The following BDP1 variants were observed in gnomAD, a reference collection of about 807,000 sequenced individuals.
The protein encoded by BDP1 is BDP1 general transcription factor IIIB subunit.
Under a neutral mutation model 266.6 loss-of-function variants are expected in BDP1, and 169 were observed. The observed-to-expected ratio is 0.63, with a 90% CI of 0.56 to 0.72. The LOEUF is 0.72. BDP1 is among the 30% of genes least tolerant of loss of function. The pLI is 0.00. For synonymous variants in BDP1, 1,090 were observed against 1,022.4 expected (o/e 1.07, Z -1.26); for missense variants, 3,015 against 3,053.8 (o/e 0.99, Z 0.30).
downstream of BDP1, among the ~76,000 whole-genome samples, chr5:71,570,919 T>G (rs1744243982): frequency 6.6e-6 from 1 of 152,174 alleles, no homozygotes; most frequent in Admixed American, 6.5e-5. Flanking sequence ...CAGTCCCCCT[T>G]TATCAGCAGG....
intron 1 of BDP1, among the ~76,000 whole-genome samples, chr5:71,457,565 CT>C (rs1030084210): frequency 4.6e-5 from 7 of 152,232 alleles, no homozygotes; most frequent in African/African-American, 1.7e-4. Context: ...ATCCACCTGC[CT>C]CAGCCCAAAG....
chr5:71,555,862 T>C (rs1743183244), intron 35 of BDP1, among the ~76,000 whole-genome samples: 1 of 152,236 alleles, frequency 6.6e-6, no homozygotes, highest in African/African-American at 2.4e-5. Flanking sequence ...CAAATTAATA[T>C]GAATTTTAGA....
intron 15 of BDP1, among the ~76,000 whole-genome samples, chr5:71,503,574 A>G (rs1178973969): frequency 6.6e-6 from 1 of 152,214 alleles, no homozygotes; most frequent in Non-Finnish European, 1.5e-5. Context: ...AGTAAGATAC[A>G]ATTCCAAGAA....
At chr5:71,502,006 G>A (rs1764269513) in intron 14 of BDP1, among the ~76,000 whole-genome samples, 1 of 152,084 alleles carries the variant, frequency 6.6e-6, no homozygotes, top group South Asian at 2.1e-4. Flanking sequence ...TCTTCCAGGG[G>A]TTACCATTTA....
intron 36 of BDP1, 64 bp downstream of exon 36, chr5:71,556,989 C>T: frequency 3.5e-6 from 3 of 847,346 alleles, no homozygotes; most frequent in South Asian, 2.4e-5. Flanking sequence ...TTGGGATATA[C>T]CTTGTTCAAA....
rs763417223 is a variant in BDP1 at position 71,489,561 on chromosome 5, A to G, written c.1371A>G (p.Val457=). 1 of 1,614,156 alleles carries G rather than the reference A, an allele frequency of 6.2e-7. No homozygotes were observed. The highest frequency in any genetic ancestry group is 2.2e-5 in the East Asian group (1 of 44,860). The change falls in exon 10 of 39, where the codon GTA becomes GTG. Residue 457 remains valine (V), a synonymous_variant. Transcript: ENST00000358731. ...REDAEQVALE[V]DLNQKKRRRK... ...ATGCAGAGCAGGTTGCATTAGAAGT[A>G]GACCTAAATCAAAAGAAAAGAAGGA...
chr5:71,489,536 A>T lies in BDP1; in HGVS notation c.1346A>T (p.Asp449Val), dbSNP rs1763460056. ...EEESLTLSRE[D>V]AEQVALEVDL... ...GAGTCTCTGACCTTATCAAGGGAGGATGCAGAGCAGGTTGCATTAGAAGTA... is the reference window on the plus strand; with the variant it reads ...GAGTCTCTGACCTTATCAAGGGAGGTTGCAGAGCAGGTTGCATTAGAAGTA... The change falls in exon 10 of 39, where the codon GAT (aspartate) becomes GTT (valine). Residue 449 changes from aspartate to valine, a missense_variant. Asp to Val is a radical substitution (Grantham distance 152, BLOSUM62 -3). Transcript: ENST00000358731. 1.2e-6 allele frequency: 2 copies of T among 1,614,002 alleles called. No homozygotes were observed. Among genetic ancestry groups the T allele is most frequent in the Non-Finnish European group, 8.5e-7 (1 of 1,180,010 alleles).
At chr5:71,552,615 G>A (rs1002589076) in intron 34 of BDP1, among the ~76,000 whole-genome samples, 1 of 152,390 alleles carries the variant, frequency 6.6e-6, no homozygotes, top group East Asian at 1.9e-4. Flanking sequence ...GTTAGGAGCT[G>A]GAGACCAGCC....
intron 35 of BDP1, among the ~76,000 whole-genome samples, chr5:71,553,592 T>C (rs908334968): frequency 2.0e-5 from 3 of 152,178 alleles, no homozygotes; most frequent in African/African-American, 7.2e-5. Context: ...GCATTATATA[T>C]GTCTGGATCT....
intron 3 of BDP1, among the ~76,000 whole-genome samples, chr5:71,462,255 A>G (rs903491409): frequency 1.3e-5 from 2 of 152,054 alleles, no homozygotes; most frequent in South Asian, 2.1e-4. Flanking sequence ...GAGCCACTGC[A>G]CCTGGCCTTC....
At position 71,510,164 on chromosome 5, in the gene BDP1, G is replaced by T. The variant is rs1561727571; in HGVS notation, c.3072G>T (p.Lys1024Asn). 6.2e-7 allele frequency: 1 copy of T among 1,613,722 alleles called. No individual in the cohort carries two copies. The highest frequency in any genetic ancestry group is 2.2e-5 in the East Asian group (1 of 44,838). Residue 1024 changes from lysine to asparagine, a missense_variant, in exon 17 of 39, where the codon AAG becomes AAT. Lys to Asn is a moderately conservative substitution (Grantham distance 94). Transcript: ENST00000358731. ...ATGRESSPRE[K>N]TPEVIDATEE... is the part of the protein sequence containing the mutation. The stretch of plus-strand genomic sequence containing the variant: ...GAAGAGAGAGTTCTCCAAGGGAGAA[G>T]ACACCAGAGGTGATTGATGCTACTG...
chr5:71,493,306 C>T (rs773332744), intron 11 of BDP1, among the ~76,000 whole-genome samples: 5 of 152,146 alleles, frequency 3.3e-5, no homozygotes, highest in Non-Finnish European at 7.4e-5. Context: ...GTTGCTCAGG[C>T]TAGAGTGTAG....
At chr5:71,506,010 A>G (rs1475276368) in intron 16 of BDP1, among the ~76,000 whole-genome samples, 2 of 152,224 alleles carry the variant, frequency 1.3e-5, no homozygotes, top group South Asian at 2.1e-4. Context: ...CACTGCCCGG[A>G]TTATTTTACT....
At chr5:71,575,633 T>A in the BDP1 span, among the ~76,000 whole-genome samples, 1 of 152,188 alleles carries the variant, frequency 6.6e-6, no homozygotes, top group East Asian at 1.9e-4. Context: ...TAGTAATAGA[T>A]CTTAAGGACT....
In BDP1 at chr5:71,512,281, T is replaced by C. The variant is rs1305001031; in HGVS notation, c.4100T>C (p.Val1367Ala). The C allele has an allele frequency of 6.3e-7, 1 of 1,586,598 alleles. No individual in the cohort carries two copies. Among genetic ancestry groups the C allele is most frequent in the Non-Finnish European group, 8.5e-7 (1 of 1,171,080 alleles). The change falls in exon 18 of 39, where the codon GTA becomes GCA. Residue 1367 changes from valine to alanine, a missense_variant. By Grantham distance (64) the Val-to-Ala change is moderately conservative. Coordinates refer to ENST00000358731, the MANE Select transcript of BDP1 (RefSeq NM_018429.3). ...SEVLSMMHTP[V>A]EEKRNSEKEV... is the part of the protein sequence containing the mutation. Reference sequence around the variant, plus strand: ...GTACTGTCGATGATGCATACACCTGTAGAAGAAAAAAGAAATTCTGAAAAA... The same window carrying C: ...GTACTGTCGATGATGCATACACCTGCAGAAGAAAAAAGAAATTCTGAAAAA...
intron 26 of BDP1, among the ~76,000 whole-genome samples, chr5:71,538,275 G>A (rs1766757112): frequency 6.6e-6 from 1 of 152,090 alleles, no homozygotes; most frequent in African/African-American, 2.4e-5. Flanking sequence ...TACTTTTCTT[G>A]TGATGTCAGG....
In BDP1 at chr5:71,562,498, A is replaced by T; in HGVS notation, c.7721A>T (p.Asn2574Ile). ...AGTGTTATTACTACTCAATCTGAGA[A>T]TATTAGCAGCTCAGCAACTCAGGTA... ...SPSVITTQSE[N>I]ISSSATQVSC... Residue 2574 changes from asparagine (N) to isoleucine (I), a missense_variant, in exon 38 of 39, where the codon AAT becomes ATT. Physicochemically the swap from Asn to Ile is moderately radical, Grantham distance 149 (BLOSUM62 -3). Transcript: ENST00000358731. 1.9e-5 allele frequency: 30 copies of T among 1,613,876 alleles called. No individual in the cohort carries two copies. Among genetic ancestry groups the T allele is most frequent in the Non-Finnish European group, 2.5e-5 (29 of 1,179,906 alleles).
chr5:71,468,567 G>A (rs1465750861), intron 6 of BDP1, among the ~76,000 whole-genome samples: 1 of 149,578 alleles, frequency 6.7e-6, no homozygotes, highest in African/African-American at 2.5e-5. Context: ...AATCTCTACA[G>A]TAAATACCAT....
intron 7 of BDP1, among the ~76,000 whole-genome samples, chr5:71,472,896 T>C (rs1265110067): frequency 1.3e-4 from 18 of 140,966 alleles, no homozygotes; most frequent in African/African-American, 4.7e-4. Flanking sequence ...CTCTTTTTTT[T>C]TTTTTTTTTT....
Sources: allele counts gnomAD v4.1 joint callset (sites outside exome capture counted in the v4.1 genomes callset), GRCh38; gene constraint gnomAD v4.1.1; transcripts MANE v1.5; gene names NCBI Gene and HGNC (gene_info 2026-07-23, HGNC 2026-07-21).